RUSC2: variants seen among roughly 807,000 people sequenced by gnomAD.
RUSC2 encodes RUN and SH3 domain containing 2, also known as AP-4 complex accessory subunit RUSC2.
RUSC2 carries 34 observed loss-of-function variants against 122.2 expected under a neutral mutation model. The observed-to-expected ratio is 0.28, with a 90% CI of 0.21 to 0.37. The LOEUF (loss-of-function observed/expected upper bound fraction) is 0.37. RUSC2 is among the 10% of genes least tolerant of loss of function. The pLI is 1.00. For synonymous variants in RUSC2, 784 were observed against 790.0 expected (o/e 0.99, Z 0.13); for missense variants, 1,747 against 1,952.4 (o/e 0.89, Z 1.98).
intron 1 of RUSC2, among the ~76,000 whole-genome samples, chr9:35,507,344 C>A (rs138353191): frequency 6.6e-6 from 1 of 152,228 alleles, no homozygotes; most frequent in African/African-American, 2.4e-5. Flanking sequence ...GTTGAAGCAT[C>A]CTCACTAGTA....
intron 2 of RUSC2, among the ~76,000 whole-genome samples, chr9:35,553,146 G>A (rs993896837): frequency 6.6e-6 from 1 of 152,248 alleles, no homozygotes; most frequent in Non-Finnish European, 1.5e-5. Context: ...AGTAGGGTCA[G>A]TGGGGGCAGG....
In RUSC2 at chr9:35,558,692, G is replaced by T; in HGVS notation, c.3341+125G>T. The T allele has an allele frequency of 2.1e-5, 16 of 748,792 alleles. No individual in the cohort carries two copies. The highest frequency in any genetic ancestry group is 3.7e-5 in the Non-Finnish European group (16 of 436,266). The allele number at this position is 748,792 out of a possible 1,614,324, so 46.4% of individuals were successfully genotyped here. A position where few individuals can be genotyped will look rare whatever the true frequency, so the allele number is the denominator to read the frequency against. On this transcript the variant is annotated intron_variant, in intron 8 of 11. Coordinates refer to ENST00000361226, the MANE Select transcript of RUSC2 (RefSeq NM_014806.5). The surrounding 1 kb of genome is among the most constrained non-coding windows in gnomAD (Gnocchi z 4.3). ...AGGGTGGATCTGGAGGGTCCCCTCA[G>T]CCCGCTATGGCCTCTCAGTAGGTCA...
At chr9:35,504,123 A>G (rs776916148) in intron 1 of RUSC2, among the ~76,000 whole-genome samples, 12 of 152,186 alleles carry the variant, frequency 7.9e-5, no homozygotes, top group African/African-American at 2.9e-4. Flanking sequence ...CTTTGTCCAC[A>G]TCTCTGATAA....
chr9:35,498,584 C>T (rs1383630258), intron 1 of RUSC2, among the ~76,000 whole-genome samples: 2 of 151,346 alleles, frequency 1.3e-5, no homozygotes, highest in African/African-American at 2.4e-5. Context: ...AGAGGCCAGG[C>T]GCGGTGGCTC....
chr9:35,531,927 G>A (rs1203833518), intron 1 of RUSC2, among the ~76,000 whole-genome samples: 1 of 152,184 alleles, frequency 6.6e-6, no homozygotes, highest in Non-Finnish European at 1.5e-5. Context: ...TCGGGAGACT[G>A]AGGCAGGAGA....
chr9:35,528,812 A>T (rs1343798661), intron 1 of RUSC2, among the ~76,000 whole-genome samples: 5 of 152,170 alleles, frequency 3.3e-5, no homozygotes, highest in Non-Finnish European at 1.5e-5. Flanking sequence ...AGGGCCGGGC[A>T]TGGTGTCTCA....
chr9:35,560,810 T>G lies in RUSC2; in HGVS notation c.4170T>G (p.Phe1390Leu). ...SPGGIKWGHLFGSRKAQREAR... is the reference protein window; with the variant it reads ...SPGGIKWGHLLGSRKAQREAR... ...GAGGCATCAAGTGGGGACACCTCTT[T>G]GGCTCCCGAAAAGCCCAGCGGGAGG... Residue 1390 changes from phenylalanine to leucine, a missense_variant, in exon 10 of 12, where the codon TTT becomes TTG. Transcript: ENST00000361226. The G allele has an allele frequency of 3.3e-6, 5 of 1,528,906 alleles. No individual in the cohort carries two copies. The highest frequency in any genetic ancestry group is 4.4e-6 in the Non-Finnish European group (5 of 1,140,866). The allele number at this position is 1,528,906 out of a possible 1,614,324, so 94.7% of individuals were successfully genotyped here.
rs1439034199 is a variant in RUSC2, at chr9:35,561,764, GC to G, written c.*388del. On this transcript the variant is annotated 3_prime_UTR_variant, in exon 12 of 12. Transcript: ENST00000361226. ...AACAGTATTGGGGCCAGATCCCTAAGCCCCCCAGCTGTAAATAGGCTGTGGC... is the reference window on the plus strand; with the variant it reads ...AACAGTATTGGGGCCAGATCCCTAAGCCCCCAGCTGTAAATAGGCTGTGGC... 3.4e-5 allele frequency: 19 copies of G among 552,752 alleles called. No homozygotes were observed. The Admixed American group carries it at 5.8e-4, about 17-fold the overall frequency. 34.2% of individuals were successfully genotyped at this position (552,752 alleles called of 1,614,324 possible).
At chr9:35,533,083 TA>T (rs1452350014) in intron 1 of RUSC2, among the ~76,000 whole-genome samples, 1 of 151,722 alleles carries the variant, frequency 6.6e-6, no homozygotes. Context: ...CCATCTCTAC[TA>T]AAAAATACAA....
intron 1 of RUSC2, among the ~76,000 whole-genome samples, chr9:35,541,760 C>T (rs1208043803): frequency 6.6e-6 from 1 of 151,994 alleles, no homozygotes; most frequent in Non-Finnish European, 1.5e-5. Flanking sequence ...TCATTATATT[C>T]TTAACTGACC....
rs535182457 is a variant in RUSC2, at chr9:35,546,532, C to T, written c.11C>T (p.Pro4Leu). Residue 4 changes from proline (P) to leucine (L), a missense_variant, in exon 2 of 12, where the codon CCC (proline) becomes CTC (leucine). Coordinates refer to ENST00000361226, the MANE Select transcript of RUSC2 (RefSeq NM_014806.5). The surrounding 1 kb of genome is among the most constrained non-coding windows in gnomAD (Gnocchi z 4.3). MDS[P>L]PKLTGETLIV... Reference sequence around the variant, plus strand: ...TTCGAACTTTCCAGAATGGATAGTCCCCCAAAGCTGACTGGAGAGACCCTC... The same window carrying T: ...TTCGAACTTTCCAGAATGGATAGTCTCCCAAAGCTGACTGGAGAGACCCTC... The T allele has an allele frequency of 1.4e-6, 2 of 1,459,340 alleles. No individual in the cohort carries two copies. Among genetic ancestry groups the T allele is most frequent in the East Asian group, 2.5e-5 (1 of 40,618 alleles). 90.4% of individuals were successfully genotyped at this position (1,459,340 alleles called of 1,614,324 possible).
At chr9:35,537,708 G>A (rs547629338) in intron 1 of RUSC2, among the ~76,000 whole-genome samples, 4 of 152,376 alleles carry the variant, frequency 2.6e-5, no homozygotes, top group South Asian at 4.1e-4. Flanking sequence ...GTCTTGGCCA[G>A]TGGTTTCTCC....
chr9:35,556,126 G>T lies in RUSC2; in HGVS notation c.2831G>T (p.Cys944Phe), dbSNP rs771684646. The change falls in exon 4 of 12, where the codon TGC (cysteine) becomes TTC (phenylalanine). Residue 944 changes from cysteine (C) to phenylalanine (F), a missense_variant. Cys to Phe is a radical substitution (Grantham distance 205). Coordinates refer to ENST00000361226, the MANE Select transcript of RUSC2 (RefSeq NM_014806.5). ...CTCAGTGCTGCCAGCCATCTGAACTGCCGGCTGAATGGTGTGTGAGCAGGG... is the reference window on the plus strand; with the variant it reads ...CTCAGTGCTGCCAGCCATCTGAACTTCCGGCTGAATGGTGTGTGAGCAGGG... ...GSLSAASHLN[C>F]RLNGQAVKPL... The T allele has an allele frequency of 6.2e-7, 1 of 1,614,114 alleles. No individual in the cohort carries two copies. The highest frequency in any genetic ancestry group is 1.1e-5 in the South Asian group (1 of 91,080).
intron 1 of RUSC2, among the ~76,000 whole-genome samples, chr9:35,529,182 A>G (rs1260332211): frequency 6.6e-6 from 1 of 152,158 alleles, no homozygotes; most frequent in African/African-American, 2.4e-5. Flanking sequence ...GAGGGTAGAG[A>G]TATAAAGAAA....
intron 1 of RUSC2, among the ~76,000 whole-genome samples, chr9:35,494,568 T>C (rs1820636686): frequency 6.6e-6 from 1 of 152,174 alleles, no homozygotes. Context: ...TTTTCATGTA[T>C]TTCATACCTA....
In RUSC2 at chr9:35,560,946, G is replaced by T. The variant is rs1161689274; in HGVS notation, c.4212-14G>T. On this transcript the variant is annotated splice_polypyrimidine_tract_variant and intron_variant, in intron 10 of 11. Transcript: ENST00000361226. ...CCATCCTGGGCAGAGCCTGAGTCCA[G>T]CTGCTGTCCCTAGGCTCCCCTCGGA... The T allele has an allele frequency of 2.5e-6, 4 of 1,612,190 alleles. No individual in the cohort carries two copies. In the South Asian group the frequency reaches 3.3e-5, roughly 13 times the overall value.
rs113570058 is a variant in RUSC2, at chr9:35,492,986, G to GT, written c.-93+2823dup. Among the ~76,000 whole-genome samples the GT allele has an allele frequency of 6.5e-3, 980 of 151,012 alleles. 15 individuals are homozygous for GT. The highest frequency in any genetic ancestry group is 0.022 in the African/African-American group (886 of 41,040). ...CATAATGCCTTTTTTTGTTTTTTGGGTTTTTTTTTAACTTTTATTTTAGGT... is the reference window on the plus strand; with the variant it reads ...CATAATGCCTTTTTTTGTTTTTTGGGTTTTTTTTTTAACTTTTATTTTAGGT... On this transcript the variant is annotated intron_variant, in intron 1 of 11. Transcript: ENST00000361226.
chr9:35,551,553 C>T (rs1821896126), intron 2 of RUSC2, among the ~76,000 whole-genome samples: 1 of 152,174 alleles, frequency 6.6e-6, no homozygotes, highest in Non-Finnish European at 1.5e-5. Context: ...GATACTATGA[C>T]TGGCATTCTG....
At position 35,546,723 on chromosome 9, in the gene RUSC2, A is replaced by G. The variant is rs766352132; in HGVS notation, c.202A>G (p.Ser68Gly). ...DLGQADSLLF[S>G]SLHSTPGGTA... ...AGGACAAGCTGACTCCCTGCTATTC[A>G]GCAGCCTGCACTCTACTCCAGGAGG... The change falls in exon 2 of 12, where the codon AGC becomes GGC. Residue 68 changes from serine (S) to glycine (G), a missense_variant. Transcript: ENST00000361226. The surrounding 1 kb of genome is among the most constrained non-coding windows in gnomAD (Gnocchi z 4.3). 1.3e-6 allele frequency: 2 copies of G among 1,565,020 alleles called. No homozygotes were observed. Among genetic ancestry groups the G allele is most frequent in the Non-Finnish European group, 1.7e-6 (2 of 1,156,222 alleles).
Sources: allele counts gnomAD v4.1 joint callset (sites outside exome capture counted in the v4.1 genomes callset), GRCh38; gene constraint gnomAD v4.1.1; non-coding constraint Gnocchi (gnomAD v3.1); transcripts MANE v1.5; gene names NCBI Gene and HGNC (gene_info 2026-07-23, HGNC 2026-07-21).